Variants in SLC36A1 observed in about 807,000 individuals in gnomAD.
SLC36A1 encodes the protein solute carrier family 36 member 1, also known as proton-coupled amino acid transporter 1.
A neutral mutation model predicts 47.5 loss-of-function variants in SLC36A1; 30 were observed. The ratio of observed to expected loss-of-function variants is 0.63; its 90% confidence interval spans 0.47 to 0.86. The LOEUF is 0.86. Ranked by LOEUF, SLC36A1 falls within the 40% of genes least tolerant of loss-of-function variation. SLC36A1 has a pLI of 0.00. For missense variants in SLC36A1, 517 were observed against 606.0 expected (o/e 0.85, Z 1.54); for synonymous variants, 255 against 249.7 (o/e 1.02, Z -0.20).
At chr5:151,402,928 A>T in the SLC36A1 span, among the ~76,000 whole-genome samples, 40 of 152,082 alleles carry the variant, frequency 2.6e-4, no homozygotes, top group African/African-American at 9.4e-4. Flanking sequence ...GTGGTCTGTC[A>T]GTCTTGTTTA....
At chr5:151,549,946 A>C in the SLC36A1 span, among the ~76,000 whole-genome samples, 1 of 152,210 alleles carries the variant, frequency 6.6e-6, no homozygotes, top group African/African-American at 2.4e-5. Flanking sequence ...AGAGGATGAT[A>C]AATTAGCACA....
the SLC36A1 span, among the ~76,000 whole-genome samples, chr5:151,357,256 G>C: frequency 2.3e-4 from 35 of 152,338 alleles, no homozygotes; most frequent in South Asian, 6.2e-4. Context: ...GGGCTTTAGC[G>C]GTGGTTGTGT....
In SLC36A1 at chr5:151,476,806, C is replaced by T. The variant is rs751058786; in HGVS notation, c.989+50C>T. 6.9e-6 allele frequency: 11 copies of T among 1,600,782 alleles called. 1 individual carries two copies. The South Asian group carries it at 1.2e-4, about 18-fold the overall frequency. ...TAGGAGCACTGGATATTTTTAAAAACTAATGGGTCACAGTGTGGATTCTCC... is the reference window on the plus strand; with the variant it reads ...TAGGAGCACTGGATATTTTTAAAAATTAATGGGTCACAGTGTGGATTCTCC... On this transcript the variant is annotated intron_variant, in intron 9 of 10. Transcript: ENST00000243389.
the SLC36A1 span, chr5:151,506,198 G>GCCTATGCCCACCCACTCCC: frequency 7.7e-7 from 1 of 1,295,580 alleles, no homozygotes; most frequent in Non-Finnish European, 1.0e-6. Context: ...GTGGAGATGG[G>GCCTATGCCCACCCACTCCC]AGTGGGTGGG....
At chr5:151,554,448 C>T in the SLC36A1 span, 7 of 1,614,204 alleles carry the variant, frequency 4.3e-6, no homozygotes, top group Non-Finnish European at 5.1e-6. Context: ...GCCTCCTCAT[C>T]GCTGTCCTCG....
chr5:151,525,314 A>G, the SLC36A1 span, among the ~76,000 whole-genome samples: 1 of 152,160 alleles, frequency 6.6e-6, no homozygotes, highest in Non-Finnish European at 1.5e-5. Flanking sequence ...CCCTACACAC[A>G]TGTGCATACA....
At chr5:151,470,988 A>G (rs1757238378) in intron 7 of SLC36A1, 1 of 152,236 alleles carries the variant, frequency 6.6e-6, no homozygotes, top group Non-Finnish European at 1.5e-5. Flanking sequence ...GTATTTTTTC[A>G]TAGTTATAAC....
chr5:151,379,171 A>C, the SLC36A1 span, among the ~76,000 whole-genome samples: 3 of 152,126 alleles, frequency 2.0e-5, no homozygotes, highest in Admixed American at 2.0e-4. Flanking sequence ...TGGTGGCAGA[A>C]TTTGCAGACT....
intron 9 of SLC36A1, chr5:151,477,669 C>T (rs1758260385): frequency 6.6e-6 from 1 of 152,192 alleles, no homozygotes; most frequent in African/African-American, 2.4e-5. Flanking sequence ...GTATGTGTGA[C>T]ATTTGGATAC....
the SLC36A1 span, among the ~76,000 whole-genome samples, chr5:151,376,044 G>A: frequency 1.3e-5 from 2 of 152,126 alleles, no homozygotes; most frequent in East Asian, 1.9e-4. Flanking sequence ...AATAGGAATG[G>A]TGAGAGTGGG....
chr5:151,376,393 A>G, the SLC36A1 span, among the ~76,000 whole-genome samples: 6 of 151,878 alleles, frequency 4.0e-5, no homozygotes, highest in Admixed American at 2.6e-4. Context: ...GATCCTTTTT[A>G]TCTTTTTTTG....
chr5:151,344,752 C>A, the SLC36A1 span, among the ~76,000 whole-genome samples: 4 of 152,096 alleles, frequency 2.6e-5, no homozygotes, highest in Non-Finnish European at 4.4e-5. Context: ...AAGAAACAAC[C>A]CCATATCATA....
the SLC36A1 span, chr5:151,540,756 G>A: frequency 6.2e-7 from 1 of 1,613,530 alleles, no homozygotes; most frequent in South Asian, 1.1e-5. Flanking sequence ...GGCCCAGGGG[G>A]TCTCCCTCTA....
At chr5:151,395,567 C>T in the SLC36A1 span, among the ~76,000 whole-genome samples, 1 of 152,150 alleles carries the variant, frequency 6.6e-6, no homozygotes, top group South Asian at 2.1e-4. Flanking sequence ...TTTTGAGTTT[C>T]TATAACACCA....
the SLC36A1 span, among the ~76,000 whole-genome samples, chr5:151,530,884 T>C: frequency 1.6e-4 from 25 of 152,300 alleles, no homozygotes; most frequent in East Asian, 4.4e-3. Flanking sequence ...ACTATTCTAT[T>C]TTTTAATATG....
chr5:151,533,086 A>T, the SLC36A1 span, among the ~76,000 whole-genome samples: 3 of 152,184 alleles, frequency 2.0e-5, no homozygotes, highest in South Asian at 6.2e-4. Flanking sequence ...ATATAAGGCC[A>T]CTCTAGGAGC....
the SLC36A1 span, among the ~76,000 whole-genome samples, chr5:151,363,743 G>A: frequency 6.6e-6 from 1 of 152,134 alleles, no homozygotes; most frequent in African/African-American, 2.4e-5. Context: ...AGCACTTCCA[G>A]CATCACTAGT....
the SLC36A1 span, among the ~76,000 whole-genome samples, chr5:151,375,977 G>A: frequency 6.6e-6 from 1 of 152,054 alleles, no homozygotes; most frequent in Admixed American, 6.5e-5. Flanking sequence ...CCAGTTGTAT[G>A]CCTTTATTTC....
the SLC36A1 span, among the ~76,000 whole-genome samples, chr5:151,374,042 C>T: frequency 2.0e-5 from 3 of 152,146 alleles, no homozygotes; most frequent in African/African-American, 7.2e-5. Context: ...TAACACCTTC[C>T]TTCTCAGGCC....
Sources: allele counts gnomAD v4.1 joint callset (sites outside exome capture counted in the v4.1 genomes callset), GRCh38; gene constraint gnomAD v4.1.1; transcripts MANE v1.5; gene names NCBI Gene and HGNC (gene_info 2026-07-23, HGNC 2026-07-21).